Variants in SPATA6L observed in about 807,000 individuals in gnomAD.
The protein encoded by SPATA6L is spermatogenesis associated 6-like protein.
In SPATA6L, 68 loss-of-function variants were observed where a neutral mutation model predicts 49.2. That is an observed-to-expected ratio of 1.38 (90% CI 1.14 to 1.69). The LOEUF (loss-of-function observed/expected upper bound fraction) is 1.69. Ranked by LOEUF, SPATA6L falls within the 40% of genes most tolerant of loss-of-function variation. The probability of loss-of-function intolerance (pLI) is 0.00; values close to 1 mark genes in which losing one functional copy is unlikely to be tolerated. For missense variants in SPATA6L, 668 were observed against 464.3 expected, an observed-to-expected ratio of 1.44 and a Z score of -4.03; for synonymous variants, 198 against 165.7, an observed-to-expected ratio of 1.19 and a Z score of -1.50.
intron 11 of SPATA6L, among the ~76,000 whole-genome samples, chr9:4,602,651 G>A (rs1823642871): frequency 6.9e-6 from 1 of 145,452 alleles, no homozygotes; most frequent in African/African-American, 2.7e-5. Context: ...CCTAGTGGGA[G>A]CCTTCCAAAG....
intron 2 of SPATA6L, among the ~76,000 whole-genome samples, chr9:4,658,514 A>C (rs530590833): frequency 1.3e-5 from 2 of 152,328 alleles, no homozygotes; most frequent in Non-Finnish European, 2.9e-5. Flanking sequence ...TTATAAAATG[A>C]AAAAGTGGTT....
At chr9:4,638,785 C>A (rs1459941682) in intron 3 of SPATA6L, among the ~76,000 whole-genome samples, 4 of 145,302 alleles carry the variant, frequency 2.8e-5, no homozygotes, top group Admixed American at 6.8e-5. Flanking sequence ...CTTTTCTTTT[C>A]TTTTCTTTTT....
At chr9:4,627,676 G>C in intron 5 of SPATA6L, 1 of 1,198,312 alleles carries the variant, frequency 8.3e-7, no homozygotes, top group Admixed American at 2.6e-5. Context: ...TGGGGTGAGG[G>C]AGGCAGACAC....
chr9:4,614,270 A>C (rs1334030861), intron 9 of SPATA6L, among the ~76,000 whole-genome samples: 1 of 152,120 alleles, frequency 6.6e-6, no homozygotes, highest in Non-Finnish European at 1.5e-5. Flanking sequence ...CACTCTTATA[A>C]TGTGTTTTCT....
At chr9:4,631,717 T>C (rs1831593151) in intron 4 of SPATA6L, among the ~76,000 whole-genome samples, 1 of 152,224 alleles carries the variant, frequency 6.6e-6, no homozygotes, top group East Asian at 1.9e-4. Context: ...TGTAATTCAT[T>C]CTTACTTCCT....
chr9:4,597,850 ACAGAGCATATCCTGTTCCT>A (rs1317850001), downstream of SPATA6L, among the ~76,000 whole-genome samples: 4 of 152,184 alleles, frequency 2.6e-5, no homozygotes, highest in Non-Finnish European at 5.9e-5. Context: ...AGCATGGACT[ACAGAGCATATCCTGTTCCT>A]CAGGCTGCCC....
At chr9:4,591,831 A>G (rs1383363527) in intron 13 of SPATA6L, among the ~76,000 whole-genome samples, 1 of 152,186 alleles carries the variant, frequency 6.6e-6, no homozygotes, top group East Asian at 1.9e-4. Flanking sequence ...GTTTGCTTCT[A>G]TATCAATCCA....
intron 6 of SPATA6L, among the ~76,000 whole-genome samples, chr9:4,624,610 C>T (rs1393973094): frequency 6.6e-6 from 1 of 151,918 alleles, no homozygotes; most frequent in African/African-American, 2.4e-5. Flanking sequence ...CACCTGTAAT[C>T]TCAGCTACTC....
chr9:4,654,011 A>G (rs1240463706), intron 3 of SPATA6L, among the ~76,000 whole-genome samples: 2 of 152,218 alleles, frequency 1.3e-5, no homozygotes, highest in East Asian at 3.8e-4. Context: ...ATTTCCCCCA[A>G]AGAAAATACA....
chr9:4,666,162 A>G (rs770321704), intron 1 of SPATA6L, 50 bp downstream of exon 1: 2 of 1,597,434 alleles, frequency 1.3e-6, no homozygotes, highest in South Asian at 1.1e-5. Flanking sequence ...ACCTGAGACT[A>G]TTTAGAGTCC....
downstream of SPATA6L, among the ~76,000 whole-genome samples, chr9:4,594,799 C>T (rs1343795499): frequency 6.6e-6 from 1 of 152,140 alleles, no homozygotes; most frequent in South Asian, 2.1e-4. Context: ...GAATAAACAA[C>T]TTGTATTTTG....
chr9:4,640,354 T>C (rs1172120646), intron 3 of SPATA6L, among the ~76,000 whole-genome samples: 3 of 152,234 alleles, frequency 2.0e-5, no homozygotes, highest in Non-Finnish European at 2.9e-5. Flanking sequence ...CATCTGGATA[T>C]TATTACTTGT....
At chr9:4,657,928 C>T (rs550544854) in intron 2 of SPATA6L, among the ~76,000 whole-genome samples, 11 of 152,244 alleles carry the variant, frequency 7.2e-5, no homozygotes, top group East Asian at 3.9e-4. Flanking sequence ...GCACTGGAGC[C>T]GCCCCAGCCT....
At chr9:4,665,385 A>G (rs1041556151) in intron 1 of SPATA6L, 2 of 152,292 alleles carry the variant, frequency 1.3e-5, no homozygotes, top group South Asian at 2.1e-4. Flanking sequence ...TAGCACTACT[A>G]ATAAGGTCTA....
chr9:4,651,581 C>T (rs1319894226), intron 3 of SPATA6L, among the ~76,000 whole-genome samples: 1 of 152,036 alleles, frequency 6.6e-6, no homozygotes, highest in African/African-American at 2.4e-5. Context: ...ATTGTAAATC[C>T]CAAAATCCTC....
In SPATA6L at chr9:4,599,661, C is replaced by T. The variant is rs1473348651; in HGVS notation, c.*1150G>A. ...CCCTCTTCCTGGGTCAGAGATGGCG[C>T]CTTCTCGCTGTCTCCTCGCCAGTGG... On this transcript the variant is annotated 3_prime_UTR_variant, in exon 12 of 12. Transcript: ENST00000682582. 6.6e-6 allele frequency among the ~76,000 whole-genome samples: 1 copy of T among 152,208 alleles called. No individual in the cohort carries two copies. The highest frequency in any genetic ancestry group is 1.5e-5 in the Non-Finnish European group (1 of 68,044).
chr9:4,613,185 G>A (rs1587045123), intron 9 of SPATA6L, among the ~76,000 whole-genome samples: 2 of 151,364 alleles, frequency 1.3e-5, no homozygotes, highest in Non-Finnish European at 2.9e-5. Context: ...CTGAGATGGG[G>A]CCACTGTACT....
In SPATA6L at chr9:4,617,961, G is replaced by A; in HGVS notation, c.957C>T (p.Thr319=). ...KASFATYQHS[T]SPGPLDQPLL... Reference sequence around the variant, plus strand: ...GGGGCTGATCCAAGGGGCCAGGAGAGGTGGAATGCTGGTAGGTGGCAAATG... The same window carrying A: ...GGGGCTGATCCAAGGGGCCAGGAGAAGTGGAATGCTGGTAGGTGGCAAATG... The change falls in exon 9 of 12, where the codon ACC becomes ACT. Residue 319 remains threonine, a synonymous_variant. Transcript: ENST00000682582. The A allele has an allele frequency of 6.2e-7, 1 of 1,613,880 alleles. No individual in the cohort carries two copies. The highest frequency in any genetic ancestry group is 1.6e-4 in the Middle Eastern group (1 of 6,062).
At chr9:4,655,142 C>G (rs1837825895) in intron 3 of SPATA6L, among the ~76,000 whole-genome samples, 1 of 152,178 alleles carries the variant, frequency 6.6e-6, no homozygotes, top group African/African-American at 2.4e-5. Context: ...GGAAACAACC[C>G]AAATGTCCAT....
Sources: gnomAD v4.1 joint callset for allele counts (sites outside exome capture counted in the v4.1 genomes callset) on GRCh38, gnomAD v4.1.1 for gene constraint, MANE v1.5 for transcripts, NCBI Gene and HGNC (gene_info 2026-07-23, HGNC 2026-07-21) for gene names.